CHRM3: variants seen among roughly 807,000 people sequenced by gnomAD.
The protein encoded by CHRM3 is muscarinic acetylcholine receptor M3.
In CHRM3, 11 loss-of-function variants were observed where a neutral mutation model predicts 41.8. The observed-to-expected ratio is 0.26, with a 90% CI of 0.17 to 0.44. The LOEUF (loss-of-function observed/expected upper bound fraction) is 0.44, where lower values mean the gene tolerates loss of function less well. Among genes scored for constraint, CHRM3 ranks in the 20% least tolerant of loss-of-function variants. The pLI is 1.00. For synonymous variants in CHRM3, 297 were observed against 301.4 expected (o/e 0.99, Z 0.15); for missense variants, 571 against 745.4 (o/e 0.77, Z 2.72).
chr1:239,785,201 C>T (rs1302124346), intron 5 of CHRM3, among the ~76,000 whole-genome samples: 1 of 152,142 alleles, frequency 6.6e-6, no homozygotes, highest in Non-Finnish European at 1.5e-5. Context: ...CACTGCAGTG[C>T]AATTGCTCCC....
At chr1:239,668,994 T>C (rs1168493784) in intron 4 of CHRM3, among the ~76,000 whole-genome samples, 3 of 152,192 alleles carry the variant, frequency 2.0e-5, no homozygotes, top group Non-Finnish European at 4.4e-5. Context: ...ATCTTCTTTC[T>C]GCGTCCTTAA....
intron 6 of CHRM3, among the ~76,000 whole-genome samples, chr1:239,891,435 A>G (rs1678540913): frequency 6.6e-6 from 1 of 152,034 alleles, no homozygotes. Flanking sequence ...TGGAAAGGAG[A>G]GCTTTATTTC....
chr1:239,766,104 G>A (rs1041169792), intron 5 of CHRM3, among the ~76,000 whole-genome samples: 14 of 151,990 alleles, frequency 9.2e-5, no homozygotes, highest in East Asian at 1.9e-4. Context: ...ATGAGACACC[G>A]CGCCCGGCCA....
chr1:239,485,644 G>A (rs1353889990), intron 1 of CHRM3, among the ~76,000 whole-genome samples: 1 of 152,088 alleles, frequency 6.6e-6, no homozygotes, highest in African/African-American at 2.4e-5. Flanking sequence ...CTTAAAGATT[G>A]CCTCCCCAAA....
chr1:239,782,904 T>C (rs930284846), intron 5 of CHRM3, among the ~76,000 whole-genome samples: 1 of 152,074 alleles, frequency 6.6e-6, no homozygotes, highest in Admixed American at 6.6e-5. Context: ...TTACTTTCTG[T>C]TTTGGGGACT....
intron 5 of CHRM3, among the ~76,000 whole-genome samples, chr1:239,801,281 T>G (rs1369740291): frequency 6.6e-6 from 1 of 152,166 alleles, no homozygotes; most frequent in Non-Finnish European, 1.5e-5. Context: ...TCTCTGACAT[T>G]AAAGTCCCTG....
chr1:239,427,119 A>G (rs1662450621), intron 1 of CHRM3, among the ~76,000 whole-genome samples: 2 of 152,254 alleles, frequency 1.3e-5, no homozygotes, highest in South Asian at 4.2e-4. Flanking sequence ...ATTGGGTGAT[A>G]GTGATTTAAA....
rs1558199158 is a variant in CHRM3, at chr1:239,874,303, A to ATC, written c.-19-33129_-19-33128insCT. On this transcript the variant is annotated intron_variant, in intron 6 of 6. Transcript: ENST00000676153. ...ATACACAGTATATATATATATATAT[A>ATC]TATATATATATATATATATATATAC... Among the ~76,000 whole-genome samples the ATC allele has an allele frequency of 5.6e-5, 7 of 123,960 alleles. 1 individual carries two copies. Among genetic ancestry groups the ATC allele is most frequent in the Non-Finnish European group, 1.1e-4 (7 of 62,304 alleles). 81.3% of individuals were successfully genotyped at this position (123,960 alleles called of 152,430 possible).
chr1:239,667,885 A>C (rs1288924557), intron 4 of CHRM3, among the ~76,000 whole-genome samples: 1 of 152,112 alleles, frequency 6.6e-6, no homozygotes, highest in Non-Finnish European at 1.5e-5. Flanking sequence ...GCTCTTGTAC[A>C]TTTGTAACTC....
At position 239,880,370 on chromosome 1, in the gene CHRM3, G is replaced by A. The variant is rs10925999; in HGVS notation, c.-19-27063G>A. On this transcript the variant is annotated intron_variant, in intron 6 of 6. Coordinates refer to ENST00000676153, the MANE Select transcript of CHRM3 (RefSeq NM_001375978.1). ...TGACCTGGATGAGAGCTGACCCCAA[G>A]TTCCTGAAAATACAACTTAAGCGGC... Among the ~76,000 whole-genome samples the A allele has an allele frequency of 6.7e-3, 1,025 of 152,334 alleles. 12 individuals carry two copies. The highest frequency in any genetic ancestry group is 0.023 in the African/African-American group (951 of 41,568).
chr1:239,539,898 T>G (rs1658588120), intron 2 of CHRM3, among the ~76,000 whole-genome samples: 1 of 152,234 alleles, frequency 6.6e-6, no homozygotes, highest in Admixed American at 6.5e-5. Flanking sequence ...ATTACAGTCA[T>G]GAGCCACTGC....
chr1:239,820,491 G>T (rs6429158), intron 5 of CHRM3, among the ~76,000 whole-genome samples: 1 of 152,100 alleles, frequency 6.6e-6, no homozygotes, highest in East Asian at 1.9e-4. Context: ...AGGACCAGAG[G>T]TTATTGTTTT....
At chr1:239,442,965 T>C (rs1663847413) in intron 1 of CHRM3, among the ~76,000 whole-genome samples, 1 of 152,192 alleles carries the variant, frequency 6.6e-6, no homozygotes, top group African/African-American at 2.4e-5. Context: ...TCTTAATAAA[T>C]GGACTGACAA....
intron 5 of CHRM3, among the ~76,000 whole-genome samples, chr1:239,703,017 A>G (rs1176108499): frequency 6.6e-6 from 1 of 152,198 alleles, no homozygotes; most frequent in African/African-American, 2.4e-5. Flanking sequence ...GTTAAAATTA[A>G]TTCAAAGTAG....
intron 4 of CHRM3, among the ~76,000 whole-genome samples, chr1:239,657,647 A>G (rs966119117): frequency 1.1e-4 from 16 of 152,178 alleles, no homozygotes; most frequent in African/African-American, 3.6e-4. Flanking sequence ...TTTTCCCTCC[A>G]TCGGAAATAT....
At chr1:239,719,396 C>T (rs919704536) in intron 5 of CHRM3, 1 of 151,934 alleles carries the variant, frequency 6.6e-6, no homozygotes, top group African/African-American at 2.4e-5. Context: ...ATTTGTTTTC[C>T]TGGCAGTATT....
chr1:239,499,151 A>T (rs937307164), intron 2 of CHRM3, among the ~76,000 whole-genome samples: 2 of 152,124 alleles, frequency 1.3e-5, no homozygotes, highest in Non-Finnish European at 2.9e-5. Context: ...AATTTCTTCA[A>T]CTTGATAGGT....
chr1:239,843,464 T>G (rs982775966), intron 6 of CHRM3, among the ~76,000 whole-genome samples: 2 of 149,664 alleles, frequency 1.3e-5, no homozygotes, highest in Admixed American at 6.7e-5. Flanking sequence ...TTTTTTTTTT[T>G]TTTTTTGGCA....
At position 239,908,588 on chromosome 1, in the gene CHRM3, C is replaced by T. The variant is rs141848452; in HGVS notation, c.1137C>T (p.Asn379=). The T allele has an allele frequency of 8.0e-5, 128 of 1,598,570 alleles. 1 individual carries two copies. In the African/African-American group the frequency reaches 1.6e-3, roughly 20 times the overall value. The change falls in exon 7 of 7, where the codon AAC becomes AAT. Residue 379 remains asparagine (N), a synonymous_variant. Transcript: ENST00000676153. The surrounding 1 kb of genome is among the most constrained non-coding windows in gnomAD (Gnocchi z 7.2). ...TTCCGGGTCACAGCACCATCCTCAA[C>T]TCCACCAAGTTACCCTCATCGGACA... ...LKLPGHSTIL[N]STKLPSSDNL... is the part of the protein sequence containing the mutation.
Sources: gnomAD v4.1 joint callset for allele counts (sites outside exome capture counted in the v4.1 genomes callset) on GRCh38, gnomAD v4.1.1 for gene constraint, Gnocchi (gnomAD v3.1) non-coding constraint, MANE v1.5 for transcripts, NCBI Gene and HGNC (gene_info 2026-07-23, HGNC 2026-07-21) for gene names.